The following CAMK2A variants were observed in gnomAD, a reference collection of about 807,000 sequenced individuals.
The protein encoded by CAMK2A is calcium/calmodulin dependent protein kinase II alpha.
In CAMK2A, 7 loss-of-function variants were observed where a neutral mutation model predicts 79.2. That is an observed-to-expected ratio of 0.09 (90% CI 0.05 to 0.17). The LOEUF (loss-of-function observed/expected upper bound fraction) is 0.17. Ranked by LOEUF, CAMK2A falls within the 10% of genes least tolerant of loss-of-function variation. CAMK2A has a pLI of 1.00. For missense variants in CAMK2A, 214 were observed against 646.4 expected (o/e 0.33, Z 7.25); for synonymous variants, 242 against 251.7 (o/e 0.96, Z 0.36).
chr5:150,276,946 C>A (rs1255782794), intron 1 of CAMK2A, among the ~76,000 whole-genome samples: 1 of 152,164 alleles, frequency 6.6e-6, no homozygotes, highest in Non-Finnish European at 1.5e-5. Context: ...AAAAAAGATT[C>A]TGGCCGGGCG....
At chr5:150,234,295 C>T (rs1243257429) in intron 15 of CAMK2A, among the ~76,000 whole-genome samples, 1 of 152,210 alleles carries the variant, frequency 6.6e-6, no homozygotes, top group Non-Finnish European at 1.5e-5. Context: ...CTGCTTCTCC[C>T]TGCCATCTCA....
intron 2 of CAMK2A, among the ~76,000 whole-genome samples, chr5:150,266,199 C>G (rs560141230): frequency 6.6e-6 from 1 of 152,072 alleles, no homozygotes; most frequent in East Asian, 1.9e-4. Flanking sequence ...GGGAGAGAGG[C>G]CTTGTTCAGG....
chr5:150,250,703 C>T lies in CAMK2A; in HGVS notation c.801G>A (p.Lys267=). Residue 267 remains lysine, a synonymous_variant, in exon 10 of 19, where the codon AAG becomes AAA. Coordinates refer to ENST00000671881, the MANE Select transcript of CAMK2A (RefSeq NM_015981.4). ...SKRITAAEAL[K]HPWISHRSTV... ...GAAGGCTCACCGAGATCCAGGGGTG[C>T]TTAAGGGCTTCGGCAGCTGTGATGC... 6.2e-7 allele frequency: 1 copy of T among 1,614,136 alleles called. No homozygotes were observed. Among genetic ancestry groups the T allele is most frequent in the Non-Finnish European group, 8.5e-7 (1 of 1,179,994 alleles).
At position 150,245,157 on chromosome 5, in the gene CAMK2A, T is replaced by C; in HGVS notation, c.984+4A>G. The C allele has an allele frequency of 2.5e-6, 4 of 1,613,470 alleles. No homozygotes were observed. Among genetic ancestry groups the C allele is most frequent in the Non-Finnish European group, 3.4e-6 (4 of 1,179,694 alleles). On this transcript the variant is annotated splice_donor_region_variant and intron_variant, in intron 13 of 18. Coordinates refer to ENST00000671881, the MANE Select transcript of CAMK2A (RefSeq NM_015981.4). The stretch of plus-strand genomic sequence containing the variant: ...AGCCCTGCCAGGCTCCTGGAGGGGC[T>C]TACCTTCACACCATCGCTCTTCTTG...
intron 1 of CAMK2A, among the ~76,000 whole-genome samples, chr5:150,285,615 C>A (rs574189861): frequency 6.6e-6 from 1 of 152,168 alleles, no homozygotes. Context: ...GAGCTTAGGT[C>A]GAGGAAGCTG....
intron 9 of CAMK2A, among the ~76,000 whole-genome samples, chr5:150,251,171 C>T (rs947253831): frequency 2.0e-5 from 3 of 152,218 alleles, no homozygotes; most frequent in African/African-American, 7.2e-5. Context: ...TGAGCTATCT[C>T]TAGAGATGTT....
intron 1 of CAMK2A, among the ~76,000 whole-genome samples, chr5:150,286,904 T>C (rs1757446859): frequency 6.6e-6 from 1 of 152,258 alleles, no homozygotes; most frequent in Admixed American, 6.5e-5. Flanking sequence ...GCCTGTCATG[T>C]GCCAGGCTCG....
At chr5:150,222,929 T>C in intron 18 of CAMK2A, 60 bp downstream of exon 18, 2 of 1,538,116 alleles carry the variant, frequency 1.3e-6, no homozygotes, top group South Asian at 1.1e-5. Context: ...CGTAACCCCC[T>C]CCAGGGCAAC....
At chr5:150,260,611 T>C (rs1047075045) in intron 3 of CAMK2A, among the ~76,000 whole-genome samples, 1 of 152,222 alleles carries the variant, frequency 6.6e-6, no homozygotes, top group Non-Finnish European at 1.5e-5. Flanking sequence ...TAACAGCACC[T>C]GAATCCCTGA....
intron 1 of CAMK2A, among the ~76,000 whole-genome samples, chr5:150,281,008 G>A (rs1757191625): frequency 6.6e-6 from 1 of 152,186 alleles, no homozygotes; most frequent in South Asian, 2.1e-4. Context: ...CATCAGCTCT[G>A]CAAAGCAGTC....
Position 150,219,763 on chromosome 5 carries a change from C to A in CAMK2A, c.*2947G>T, listed in dbSNP as rs1478844235. 6.6e-6 allele frequency: 1 copy of A among 152,384 alleles called. No individual in the cohort carries two copies. The highest frequency in any genetic ancestry group is 2.4e-5 in the African/African-American group (1 of 41,344). 9.4% of individuals were successfully genotyped at this position (152,384 alleles called of 1,614,324 possible). ...TGAAGGGAGACAGGAGGCCTTGGGT[C>A]AGGATTCGCACCATGGTGGGCACAA... On this transcript the variant is annotated 3_prime_UTR_variant, in exon 19 of 19. Transcript: ENST00000671881.
intron 15 of CAMK2A, among the ~76,000 whole-genome samples, chr5:150,234,504 C>G (rs78415173): frequency 6.6e-6 from 1 of 152,108 alleles, no homozygotes; most frequent in African/African-American, 2.4e-5. Flanking sequence ...AAGAATATGT[C>G]AATAGAAATA....
intron 1 of CAMK2A, among the ~76,000 whole-genome samples, chr5:150,283,063 T>A (rs184217541): frequency 6.6e-6 from 1 of 152,300 alleles, no homozygotes; most frequent in East Asian, 1.9e-4. Flanking sequence ...CCCCAAGGGA[T>A]CTCTTCTGTC....
At chr5:150,264,813 C>T (rs1279945820) in intron 3 of CAMK2A, 143 bp downstream of exon 3, 14 of 661,584 alleles carry the variant, frequency 2.1e-5, no homozygotes, top group South Asian at 6.6e-5. Flanking sequence ...CCATTAAAGA[C>T]GCCCCCTTTC....
At chr5:150,233,169 G>A (rs143282458) in intron 15 of CAMK2A, among the ~76,000 whole-genome samples, 39 of 152,332 alleles carry the variant, frequency 2.6e-4, no homozygotes, top group African/African-American at 8.9e-4. Flanking sequence ...ATGAATAAGT[G>A]TACCAGGCCA....
chr5:150,232,201 C>A (rs1416443262), intron 15 of CAMK2A, among the ~76,000 whole-genome samples: 1 of 152,230 alleles, frequency 6.6e-6, no homozygotes, highest in African/African-American at 2.4e-5. Context: ...ATTTAAATGA[C>A]TGTCCAGGTC....
chr5:150,230,905 G>A (rs1170096463), intron 16 of CAMK2A, among the ~76,000 whole-genome samples: 1 of 152,180 alleles, frequency 6.6e-6, no homozygotes, highest in East Asian at 1.9e-4. Flanking sequence ...GGGAGTCTAG[G>A]GTGAGCACTC....
chr5:150,236,211 G>A (rs17111079), intron 15 of CAMK2A, among the ~76,000 whole-genome samples: 12,133 of 152,174 alleles, frequency 0.08, 620 homozygotes, highest in Middle Eastern at 0.11. Flanking sequence ...GAGAAAAAAC[G>A]TCCTTGATGG....
chr5:150,258,208 C>T (rs1169617088), intron 3 of CAMK2A, among the ~76,000 whole-genome samples: 1 of 152,208 alleles, frequency 6.6e-6, no homozygotes, highest in Non-Finnish European at 1.5e-5. Flanking sequence ...GTCATCTCTT[C>T]ACACCCCATT....
Sources: gnomAD v4.1 joint callset for allele counts (sites outside exome capture counted in the v4.1 genomes callset) on GRCh38, gnomAD v4.1.1 for gene constraint, MANE v1.5 for transcripts, NCBI Gene and HGNC (gene_info 2026-07-23, HGNC 2026-07-21) for gene names.